The following LRRC8B variants were observed in gnomAD, a reference collection of about 807,000 sequenced individuals.
LRRC8B encodes leucine rich repeat containing 8 VRAC subunit B.
A neutral mutation model predicts 58.8 loss-of-function variants in LRRC8B; 23 were observed. The observed-to-expected ratio is 0.39, with a 90% confidence interval of 0.28 to 0.55. The LOEUF (loss-of-function observed/expected upper bound fraction) is 0.55, where lower values mean the gene tolerates loss of function less well. LRRC8B is among the 20% of genes least tolerant of loss of function. The probability of loss-of-function intolerance (pLI) is 0.62; values close to 1 mark genes in which losing one functional copy is unlikely to be tolerated. For synonymous variants in LRRC8B, 359 were observed against 374.1 expected (o/e 0.96, Z 0.47); for missense variants, 694 against 936.0 (o/e 0.74, Z 3.37).
chr1:89,594,321 T>C lies in LRRC8B; in HGVS notation c.*1278T>C, dbSNP rs1214632338. On this transcript the variant is annotated 3_prime_UTR_variant, in exon 6 of 6. Transcript: ENST00000330947. ...TGGATAACAAAAGCCTTGTGTTTAATGCCCTAAAGTATTTGGGGGTTTCCT... is the reference window on the plus strand; with the variant it reads ...TGGATAACAAAAGCCTTGTGTTTAACGCCCTAAAGTATTTGGGGGTTTCCT... 1 of 152,174 alleles carries C rather than the reference T, an allele frequency of 6.6e-6. No individual in the cohort carries two copies. Among genetic ancestry groups the C allele is most frequent in the African/African-American group, 2.4e-5 (1 of 41,458 alleles). 9.4% of individuals were successfully genotyped at this position (152,174 alleles called of 1,614,324 possible). A position where few individuals can be genotyped will look rare whatever the true frequency, so the allele number is the denominator to read the frequency against.
At chr1:89,551,414 T>C (rs1156976650) in intron 1 of LRRC8B, among the ~76,000 whole-genome samples, 2 of 152,174 alleles carry the variant, frequency 1.3e-5, no homozygotes, top group Non-Finnish European at 2.9e-5. Flanking sequence ...AAAAAAATGC[T>C]CCATAAACTT....
At chr1:89,536,844 G>A (rs1177576902) in intron 1 of LRRC8B, among the ~76,000 whole-genome samples, 3 of 152,112 alleles carry the variant, frequency 2.0e-5, no homozygotes, top group African/African-American at 4.8e-5. Context: ...TCCAAGTTGT[G>A]TGAAAGAAAC....
chr1:89,569,110 G>A (rs1653244234), intron 3 of LRRC8B, among the ~76,000 whole-genome samples: 1 of 152,140 alleles, frequency 6.6e-6, no homozygotes, highest in Non-Finnish European at 1.5e-5. Flanking sequence ...ACTCTCTGAT[G>A]TTCTGAATAC....
At chr1:89,590,553 G>A (rs1240859695) in intron 5 of LRRC8B, among the ~76,000 whole-genome samples, 5 of 152,212 alleles carry the variant, frequency 3.3e-5, no homozygotes, top group Non-Finnish European at 4.4e-5. Flanking sequence ...CCACTACCTT[G>A]GGAAATCCCT....
At chr1:89,568,186 A>G (rs1386132968) in intron 1 of LRRC8B, 61 bp from the exon 2 acceptor site, 1 of 152,136 alleles carries the variant, frequency 6.6e-6, no homozygotes, top group Non-Finnish European at 1.5e-5. Flanking sequence ...GTGCCTTATA[A>G]GCTACTGTTG....
intron 1 of LRRC8B, among the ~76,000 whole-genome samples, chr1:89,527,861 A>G (rs933526155): frequency 2.6e-5 from 4 of 152,250 alleles, no homozygotes; most frequent in African/African-American, 9.6e-5. Context: ...AAGGGTAACA[A>G]TAAACTCCCT....
At chr1:89,563,946 G>C (rs1652860744) in intron 1 of LRRC8B, among the ~76,000 whole-genome samples, 1 of 152,096 alleles carries the variant, frequency 6.6e-6, no homozygotes, top group African/African-American at 2.4e-5. Flanking sequence ...ATCAGTTTTA[G>C]GATAAGAACT....
At chr1:89,551,169 C>T (rs1651781241) in intron 1 of LRRC8B, among the ~76,000 whole-genome samples, 1 of 152,112 alleles carries the variant, frequency 6.6e-6, no homozygotes, top group Non-Finnish European at 1.5e-5. Context: ...GCTCCAGCCC[C>T]TGCATATCCC....
At chr1:89,579,003 AG>A (rs563298823) in intron 3 of LRRC8B, among the ~76,000 whole-genome samples, 5 of 152,212 alleles carry the variant, frequency 3.3e-5, no homozygotes, top group Non-Finnish European at 7.3e-5. Flanking sequence ...TATCTGAAAA[AG>A]TATATTAACT....
chr1:89,543,532 G>A (rs560825075), intron 1 of LRRC8B, among the ~76,000 whole-genome samples: 23 of 151,162 alleles, frequency 1.5e-4, no homozygotes, highest in African/African-American at 5.6e-4. Context: ...GTCTTGCTCT[G>A]TCACCTGGGC....
In LRRC8B at chr1:89,542,525, A is replaced by G. The variant is rs1651089723; in HGVS notation, c.-241+17503A>G. ...GAATGACTGAGTGAATGAATGAATG[A>G]ATGAATGAATCCATGTTTAGCCTGT... is the stretch of plus-strand genomic sequence containing the variant. On this transcript the variant is annotated intron_variant, in intron 1 of 5. Coordinates refer to ENST00000330947, the MANE Select transcript of LRRC8B (RefSeq NM_001369817.2). 2.6e-5 allele frequency among the ~76,000 whole-genome samples: 4 copies of G among 152,328 alleles called. No individual in the cohort carries two copies. The South Asian group carries it at 8.3e-4, about 32-fold the overall frequency.
chr1:89,542,415 C>A (rs1651068892), intron 1 of LRRC8B, among the ~76,000 whole-genome samples: 1 of 152,184 alleles, frequency 6.6e-6, no homozygotes, highest in African/African-American at 2.4e-5. Context: ...GTAGAGATAG[C>A]ACCTGTTTGA....
chr1:89,597,467 C>T lies in LRRC8B; in HGVS notation c.*4424C>T, dbSNP rs991500745. ...GGTATAGAGTTAGAATGGATGTGTT[C>T]GTGCATATATATGTTGTATTTAAAT... On this transcript the variant is annotated 3_prime_UTR_variant, in exon 6 of 6. Coordinates refer to ENST00000330947, the MANE Select transcript of LRRC8B (RefSeq NM_001369817.2). 2.3e-4 allele frequency: 35 copies of T among 152,080 alleles called. 1 individual carries two copies. Among genetic ancestry groups the T allele is most frequent in the African/African-American group, 7.0e-4 (29 of 41,486 alleles). 9.4% of individuals were successfully genotyped at this position (152,080 alleles called of 1,614,324 possible).
intron 1 of LRRC8B, among the ~76,000 whole-genome samples, chr1:89,562,064 T>A (rs1268266438): frequency 6.6e-6 from 1 of 152,010 alleles, no homozygotes; most frequent in Non-Finnish European, 1.5e-5. Flanking sequence ...TGGATTGATC[T>A]ATTTATTTCA....
Position 89,594,138 on chromosome 1 carries a change from T to A in LRRC8B, c.*1095T>A, listed in dbSNP as rs1448062973. ...ATAAATATTTTCTATTGTATAATCT[T>A]GGATTCAACATCTGTGAGGATCATT... On this transcript the variant is annotated 3_prime_UTR_variant, in exon 6 of 6. Transcript: ENST00000330947. The A allele has an allele frequency of 6.6e-6, 1 of 152,220 alleles. No homozygotes were observed. The highest frequency in any genetic ancestry group is 1.5e-5 in the Non-Finnish European group (1 of 68,028). The allele number at this position is 152,220 out of a possible 1,614,324, so 9.4% of individuals were successfully genotyped here.
At chr1:89,527,639 A>G (rs1012758474) in intron 1 of LRRC8B, among the ~76,000 whole-genome samples, 17 of 152,202 alleles carry the variant, frequency 1.1e-4, no homozygotes, top group Non-Finnish European at 2.1e-4. Flanking sequence ...GCCTACTTTC[A>G]TTTTATTCCC....
At chr1:89,580,183 A>G (rs764444735) in intron 4 of LRRC8B, among the ~76,000 whole-genome samples, 3 of 152,202 alleles carry the variant, frequency 2.0e-5, no homozygotes, top group Non-Finnish European at 2.9e-5. Context: ...CTAGTCATCT[A>G]TTATTTCAGC....
chr1:89,557,151 A>C (rs1358286917), intron 1 of LRRC8B, among the ~76,000 whole-genome samples: 1 of 152,178 alleles, frequency 6.6e-6, no homozygotes, highest in Non-Finnish European at 1.5e-5. Flanking sequence ...CAGTGAAACA[A>C]ATGAGTGACA....
At chr1:89,545,799 C>T (rs1444100351) in intron 1 of LRRC8B, among the ~76,000 whole-genome samples, 1 of 152,038 alleles carries the variant, frequency 6.6e-6, no homozygotes, top group African/African-American at 2.4e-5. Flanking sequence ...GTGGAAACAT[C>T]GTAGGAGGTG....
Sources: allele counts gnomAD v4.1 joint callset (sites outside exome capture counted in the v4.1 genomes callset), GRCh38; gene constraint gnomAD v4.1.1; transcripts MANE v1.5; gene names NCBI Gene and HGNC (gene_info 2026-07-23, HGNC 2026-07-21).